The following LRRC69 variants were observed in gnomAD, a reference collection of about 807,000 sequenced individuals.
LRRC69 encodes leucine-rich repeat-containing protein 69.
LRRC69 carries 42 observed loss-of-function variants against 37.8 expected under a neutral mutation model. The observed-to-expected ratio is 1.11, with a 90% confidence interval of 0.87 to 1.44. The LOEUF is 1.44. LRRC69 is among the 40% of genes most tolerant of loss of function. LRRC69 has a pLI of 0.00. For synonymous variants in LRRC69, 141 were observed against 143.1 expected (o/e 0.99, Z 0.11); for missense variants, 357 against 401.9 (o/e 0.89, Z 0.96).
intron 5 of LRRC69, among the ~76,000 whole-genome samples, chr8:91,171,657 A>G (rs1396264724): frequency 6.6e-6 from 1 of 152,048 alleles, no homozygotes; most frequent in African/African-American, 2.4e-5. Flanking sequence ...TTGAGCAAGT[A>G]TAGGAGGAAT....
chr8:91,124,078 A>T (rs57771593), intron 1 of LRRC69, among the ~76,000 whole-genome samples: 70,178 of 151,518 alleles, frequency 0.46, 17,912 homozygotes, highest in South Asian at 0.65. Context: ...TGTCAGGAGG[A>T]CCTCAGATCT....
intron 6 of LRRC69, among the ~76,000 whole-genome samples, chr8:91,198,867 TC>T (rs1253466882): frequency 3.3e-5 from 5 of 152,196 alleles, no homozygotes; most frequent in Non-Finnish European, 1.5e-5. Flanking sequence ...TTATATATAC[TC>T]ACATTTCCAA....
At position 91,123,266 on chromosome 8, in the gene LRRC69, C is replaced by G. The variant is rs375315977; in HGVS notation, c.184-1227C>G. On this transcript the variant is annotated intron_variant, in intron 1 of 7. Transcript: ENST00000448384. ...CAAAGTTTGTGGTAATTTTTTATAG[C>G]AGTTATAGGAAACCAATACAATTAC... 5.9e-5 allele frequency among the ~76,000 whole-genome samples: 9 copies of G among 152,058 alleles called. No individual in the cohort carries two copies. The South Asian group carries it at 1.0e-3, about 18-fold the overall frequency.
At chr8:91,149,403 G>A (rs558020101) in intron 5 of LRRC69, among the ~76,000 whole-genome samples, 47 of 151,980 alleles carry the variant, frequency 3.1e-4, no homozygotes, top group African/African-American at 9.2e-4. Context: ...GTACATATGC[G>A]GCATTATTTC....
intron 5 of LRRC69, among the ~76,000 whole-genome samples, chr8:91,149,117 G>A (rs1245329839): frequency 6.6e-6 from 1 of 151,838 alleles, no homozygotes; most frequent in Non-Finnish European, 1.5e-5. Flanking sequence ...TTTGGCTTTT[G>A]TTGCCATTGC....
At chr8:91,157,535 T>C (rs1035819265) in intron 5 of LRRC69, 1 of 1,530,430 alleles carries the variant, frequency 6.5e-7, no homozygotes, top group Non-Finnish European at 9.0e-7. Flanking sequence ...CCTATAGTAT[T>C]TAATGAGAAT....
Position 91,102,782 on chromosome 8 carries a change from ACT to A in LRRC69, c.124_125del (p.Leu42SerfsTer5). On this transcript the variant is annotated frameshift_variant, in exon 1 of 8. Coordinates refer to ENST00000448384, the Ensembl canonical transcript of LRRC69. LOFTEE classifies it high-confidence loss of function. Reference sequence around the variant, plus strand: ...ATTAGGAAAACTGCCTGGCCTGAAGACTCTAGTCCTTCAGAATAACCTAATCC... The same window carrying A: ...ATTAGGAAAACTGCCTGGCCTGAAGACTAGTCCTTCAGAATAACCTAATCC... 6.4e-7 allele frequency: 1 copy of A among 1,551,754 alleles called. No homozygotes were observed. Among genetic ancestry groups the A allele is most frequent in the Non-Finnish European group, 8.7e-7 (1 of 1,146,912 alleles).
intron 1 of LRRC69, among the ~76,000 whole-genome samples, chr8:91,107,282 C>T (rs770639928): frequency 2.7e-4 from 41 of 151,712 alleles, no homozygotes; most frequent in African/African-American, 9.4e-4. Flanking sequence ...TTACAGGCAC[C>T]TGCCACCATG....
chr8:91,206,999 C>T (rs1035392609), intron 7 of LRRC69, among the ~76,000 whole-genome samples: 1 of 152,172 alleles, frequency 6.6e-6, no homozygotes, highest in Non-Finnish European at 1.5e-5. Flanking sequence ...GAACTTAAGA[C>T]ATTTATGTTA....
chr8:91,145,288 C>A (rs2130535589), intron 5 of LRRC69, among the ~76,000 whole-genome samples: 1 of 152,016 alleles, frequency 6.6e-6, no homozygotes, highest in South Asian at 2.1e-4. Flanking sequence ...TCAAGAACAT[C>A]CCTGAATATC....
At chr8:91,217,822 C>A (rs923807087) in intron 7 of LRRC69, among the ~76,000 whole-genome samples, 3 of 152,132 alleles carry the variant, frequency 2.0e-5, no homozygotes, top group African/African-American at 7.2e-5. Flanking sequence ...GGAAAAAAGT[C>A]AGGTTTGTAG....
chr8:91,156,697 C>A (rs984439388), intron 5 of LRRC69, among the ~76,000 whole-genome samples: 4 of 150,994 alleles, frequency 2.6e-5, no homozygotes, highest in African/African-American at 9.7e-5. Flanking sequence ...TCTTTGCCCA[C>A]ACTAATTCCT....
At chr8:91,176,146 TC>T (rs1438572602) in intron 5 of LRRC69, among the ~76,000 whole-genome samples, 2 of 139,124 alleles carry the variant, frequency 1.4e-5, no homozygotes, top group East Asian at 2.1e-4. Flanking sequence ...TTTTTTTTTT[TC>T]TTTTTTTTGA....
At chr8:91,143,958 C>A (rs1016102903) in intron 5 of LRRC69, among the ~76,000 whole-genome samples, 6 of 151,790 alleles carry the variant, frequency 4.0e-5, no homozygotes, top group African/African-American at 1.2e-4. Context: ...CACTTTTTTC[C>A]TCTTTAAGTT....
At chr8:91,122,508 A>G (rs1813643972) in intron 1 of LRRC69, among the ~76,000 whole-genome samples, 1 of 152,182 alleles carries the variant, frequency 6.6e-6, no homozygotes, top group South Asian at 2.1e-4. Flanking sequence ...GTGCAAAAAT[A>G]GTAATATTCT....
intron 6 of LRRC69, among the ~76,000 whole-genome samples, chr8:91,192,923 A>T (rs572884456): frequency 1.3e-5 from 2 of 152,150 alleles, no homozygotes; most frequent in African/African-American, 2.4e-5. Context: ...TCCTTGCCCA[A>T]GCCTATGTCC....
chr8:91,116,903 A>G lies in LRRC69; in HGVS notation c.184-7590A>G, dbSNP rs1041399516. The stretch of plus-strand genomic sequence containing the variant: ...TTACTTATTAAAAATATCACTATAC[A>G]TTGAACCTAGATTCTATAATCCAAA... On this transcript the variant is annotated intron_variant, in intron 1 of 7. Coordinates refer to ENST00000448384, the Ensembl canonical transcript of LRRC69. 2.0e-4 allele frequency among the ~76,000 whole-genome samples: 31 copies of G among 152,186 alleles called. 2 individuals carry two copies. In the South Asian group the frequency reaches 2.7e-3, roughly 13 times the overall value.
intron 7 of LRRC69, chr8:91,209,591 A>C (rs1291433334): frequency 1.3e-5 from 2 of 152,262 alleles, no homozygotes; most frequent in African/African-American, 4.8e-5. Context: ...GCTTGAAGAA[A>C]AATTTTGAAA....
At chr8:91,103,858 G>T (rs958201208) in intron 1 of LRRC69, among the ~76,000 whole-genome samples, 3 of 151,570 alleles carry the variant, frequency 2.0e-5, no homozygotes, top group African/African-American at 7.3e-5. Context: ...AAAGAATTTG[G>T]GACTTGACTG....
Sources: gnomAD v4.1 joint callset for allele counts (sites outside exome capture counted in the v4.1 genomes callset) on GRCh38, gnomAD v4.1.1 for gene constraint, MANE v1.5 for transcripts, NCBI Gene and HGNC (gene_info 2026-07-23, HGNC 2026-07-21) for gene names.